The following PDE7B variants were observed in gnomAD, a reference collection of about 807,000 sequenced individuals.
PDE7B encodes phosphodiesterase 7B.
PDE7B carries 29 observed loss-of-function variants against 56.2 expected under a neutral mutation model. The ratio of observed to expected loss-of-function variants is 0.52; its 90% CI spans 0.38 to 0.70. The LOEUF (loss-of-function observed/expected upper bound fraction) is 0.70, where lower values mean the gene tolerates loss of function less well. Among genes scored for constraint, PDE7B ranks in the 30% least tolerant of loss-of-function variants. PDE7B has a pLI of 0.00. For missense variants in PDE7B, 490 were observed against 565.0 expected, an observed-to-expected ratio of 0.87 and a Z score of 1.35; for synonymous variants, 197 against 196.9, an observed-to-expected ratio of 1.00 and a Z score of 0.00.
intron 2 of PDE7B, among the ~76,000 whole-genome samples, chr6:136,061,584 C>A (rs187630898): frequency 6.6e-6 from 1 of 152,282 alleles, no homozygotes; most frequent in Admixed American, 6.5e-5. Context: ...ATTGGGACAA[C>A]AATACCTCTC....
chr6:136,173,586 C>A (rs1416849969), intron 8 of PDE7B, among the ~76,000 whole-genome samples: 1 of 152,068 alleles, frequency 6.6e-6, no homozygotes, highest in African/African-American at 2.4e-5. Context: ...GAGGGTGAGC[C>A]GCAGGCCCTG....
chr6:136,138,583 C>A (rs1017334763), intron 3 of PDE7B, among the ~76,000 whole-genome samples: 1 of 152,018 alleles, frequency 6.6e-6, no homozygotes, highest in Non-Finnish European at 1.5e-5. Context: ...TTCTGGTTAG[C>A]TTTATGTATG....
At chr6:136,092,559 G>A (rs146896845) in intron 2 of PDE7B, among the ~76,000 whole-genome samples, 2,016 of 152,202 alleles carry the variant, frequency 0.013, 38 homozygotes, top group African/African-American at 0.046. Context: ...TCAGGAGTTC[G>A]AGACCAGCCT....
intron 12 of PDE7B, among the ~76,000 whole-genome samples, chr6:136,190,641 TAATA>T (rs1160613684): frequency 6.6e-6 from 1 of 152,180 alleles, no homozygotes; most frequent in Non-Finnish European, 1.5e-5. Context: ...TATCTTTTCA[TAATA>T]AACAAGTCAT....
intron 1 of PDE7B, among the ~76,000 whole-genome samples, chr6:135,887,512 AT>A (rs1420965580): frequency 2.0e-5 from 3 of 152,306 alleles, no homozygotes; most frequent in African/African-American, 7.2e-5. Context: ...AGACTAAGTA[AT>A]GATGGTGAAC....
chr6:136,177,970 C>T (rs1779006068), intron 9 of PDE7B, among the ~76,000 whole-genome samples: 1 of 152,140 alleles, frequency 6.6e-6, no homozygotes, highest in Non-Finnish European at 1.5e-5. Flanking sequence ...CTATAGCCTA[C>T]ACATCATGAA....
At chr6:136,063,108 G>T (rs1048321149) in intron 2 of PDE7B, among the ~76,000 whole-genome samples, 1 of 152,152 alleles carries the variant, frequency 6.6e-6, no homozygotes, top group African/African-American at 2.4e-5. Context: ...TGTAAAATTA[G>T]ACTAGTATTA....
At chr6:135,955,400 G>A (rs1397889875) in intron 2 of PDE7B, among the ~76,000 whole-genome samples, 1 of 152,068 alleles carries the variant, frequency 6.6e-6, no homozygotes, top group Non-Finnish European at 1.5e-5. Context: ...ACAGCCCATT[G>A]GGAAAGGTGT....
rs1167231704 is a variant in PDE7B, at chr6:135,928,451, ATT to A, written c.22-19011_22-19010del. On this transcript the variant is annotated intron_variant, in intron 1 of 12. Coordinates refer to ENST00000308191, the MANE Select transcript of PDE7B (RefSeq NM_018945.4). Reference sequence around the variant, plus strand: ...TGATTATATATATATATATATATTTATTTATATATATATTTATTTATATATAT... The same window carrying A: ...TGATTATATATATATATATATATTTATATATATATATTTATTTATATATAT... 4.0e-4 allele frequency among the ~76,000 whole-genome samples: 41 copies of A among 102,180 alleles called. No individual in the cohort carries two copies. The East Asian group carries it at 8.6e-3, about 22-fold the overall frequency. The allele number at this position is 102,180 out of a possible 152,430, so 67.0% of individuals were successfully genotyped here.
chr6:135,890,140 T>A (rs981426864), intron 1 of PDE7B, among the ~76,000 whole-genome samples: 1 of 152,182 alleles, frequency 6.6e-6, no homozygotes, highest in Non-Finnish European at 1.5e-5. Context: ...TATTTTCTAC[T>A]TCGTATGATA....
intron 6 of PDE7B, among the ~76,000 whole-genome samples, chr6:136,153,115 C>CTGAT (rs1165351329): frequency 2.6e-5 from 4 of 152,172 alleles, no homozygotes; most frequent in Non-Finnish European, 5.9e-5. Flanking sequence ...TAACCTCAAG[C>CTGAT]TGATTGTATT....
intron 8 of PDE7B, among the ~76,000 whole-genome samples, chr6:136,173,187 A>C (rs1778921451): frequency 6.6e-6 from 1 of 152,210 alleles, no homozygotes; most frequent in Non-Finnish European, 1.5e-5. Context: ...AAGAGCCCGC[A>C]TTGCCAAGTC....
chr6:136,001,957 C>T (rs28801174), intron 2 of PDE7B, among the ~76,000 whole-genome samples: 2 of 151,758 alleles, frequency 1.3e-5, no homozygotes, highest in Admixed American at 6.6e-5. Flanking sequence ...AGAGAAAGGT[C>T]GGGTTACCCA....
At chr6:135,906,827 T>TTTTTTTTTTTTTTTTTTTTTTTTTTTTTG (rs1554265693) in intron 1 of PDE7B, among the ~76,000 whole-genome samples, 2 of 133,452 alleles carry the variant, frequency 1.5e-5, no homozygotes, top group African/African-American at 2.8e-5. Context: ...TTTTTTTTTT[T>TTTTTTTTTTTTTTTTTTTTTTTTTTTTTG]TTTTTTTTTA....
intron 2 of PDE7B, among the ~76,000 whole-genome samples, chr6:136,052,617 G>GCCCCCCCCCC (rs11400308): frequency 4.6e-4 from 66 of 142,724 alleles, no homozygotes; most frequent in African/African-American, 6.1e-4. Context: ...TTAGGGTACA[G>GCCCCCCCCCC]CCCCCCCCCA....
At chr6:135,903,495 T>C (rs1776042047) in intron 1 of PDE7B, among the ~76,000 whole-genome samples, 1 of 152,168 alleles carries the variant, frequency 6.6e-6, no homozygotes, top group Admixed American at 6.5e-5. Context: ...TCTCCTAATA[T>C]TGGGGAAGCT....
chr6:135,912,074 T>C (rs1776222007), intron 1 of PDE7B, among the ~76,000 whole-genome samples: 1 of 152,204 alleles, frequency 6.6e-6, no homozygotes, highest in African/African-American at 2.4e-5. Context: ...GTGCTTATAT[T>C]TGTCCAACAT....
intron 11 of PDE7B, among the ~76,000 whole-genome samples, chr6:136,183,188 G>C (rs896059161): frequency 1.3e-5 from 2 of 152,112 alleles, no homozygotes. Flanking sequence ...CTAAAGGCAG[G>C]CTTCCATGTA....
chr6:136,171,699 C>T (rs1778885595), intron 8 of PDE7B, among the ~76,000 whole-genome samples: 1 of 151,520 alleles, frequency 6.6e-6, no homozygotes, highest in African/African-American at 2.4e-5. Flanking sequence ...AGGTTAGTTA[C>T]ATATGTATAC....
Sources: gnomAD v4.1 joint callset for allele counts (sites outside exome capture counted in the v4.1 genomes callset) on GRCh38, gnomAD v4.1.1 for gene constraint, MANE v1.5 for transcripts, NCBI Gene and HGNC (gene_info 2026-07-23, HGNC 2026-07-21) for gene names.